DNAI4: variants seen among roughly 807,000 people sequenced by gnomAD.
DNAI4 encodes the protein WD repeat domain 78.
Under a neutral mutation model 105.8 loss-of-function variants are expected in DNAI4, and 85 were observed. That is an observed-to-expected ratio of 0.80 (90% confidence interval 0.67 to 0.96). The LOEUF (loss-of-function observed/expected upper bound fraction) is 0.96. Among genes scored for constraint, DNAI4 ranks in the 40% least tolerant of loss-of-function variants. DNAI4 has a pLI of 0.00. For missense variants in DNAI4, 1,014 were observed against 1,005.6 expected (o/e 1.01, Z -0.11); for synonymous variants, 352 against 331.5 (o/e 1.06, Z -0.67).
chr1:66,910,967 C>T lies in DNAI4; in HGVS notation c.171-5592G>A, dbSNP rs116281992. Among the ~76,000 whole-genome samples, 1,014 of 152,294 alleles carry T rather than the reference C, an allele frequency of 6.7e-3. 9 individuals carry two copies. Among genetic ancestry groups the T allele is most frequent in the African/African-American group, 0.023 (951 of 41,558 alleles). On this transcript the variant is annotated intron_variant, in intron 1 of 16. Transcript: ENST00000371026. ...CACACACCAACTAAACAATCAGTTC[C>T]GCAGTGGATACCATCTGGTTGTCCT... is the stretch of plus-strand genomic sequence containing the variant.
At chr1:66,917,029 TCCTGA>T (rs966663879) in intron 1 of DNAI4, among the ~76,000 whole-genome samples, 2 of 152,220 alleles carry the variant, frequency 1.3e-5, no homozygotes, top group Non-Finnish European at 2.9e-5. Flanking sequence ...AATTGTCTTT[TCCTGA>T]CCTAATTAAT....
chr1:66,893,053 A>AAGAAAGAAAGAAAGAG (rs1167732856), intron 3 of DNAI4, among the ~76,000 whole-genome samples, 176 bp downstream of exon 3: 2 of 66,560 alleles, frequency 3.0e-5, no homozygotes, highest in Admixed American at 1.6e-4. Flanking sequence ...GAAAGAAAGA[A>AAGAAAGAAAGAAAGAG]AGAGAGAGAG....
intron 4 of DNAI4, among the ~76,000 whole-genome samples, chr1:66,880,676 G>A (rs1647051091): frequency 6.6e-6 from 1 of 152,162 alleles, no homozygotes; most frequent in Non-Finnish European, 1.5e-5. Context: ...GAGCATAAAA[G>A]ATTGGAAAAT....
intron 2 of DNAI4, among the ~76,000 whole-genome samples, chr1:66,893,720 T>C (rs576310829): frequency 3.3e-5 from 5 of 152,344 alleles, no homozygotes; most frequent in Admixed American, 2.0e-4. Context: ...ATGTAAATTG[T>C]ATGTACACAT....
chr1:66,909,870 GA>G lies in DNAI4; in HGVS notation c.171-4496del, dbSNP rs200565181. Among the ~76,000 whole-genome samples the G allele has an allele frequency of 4.5e-3, 691 of 151,914 alleles. 6 individuals are homozygous for G. Among genetic ancestry groups the G allele is most frequent in the African/African-American group, 0.016 (662 of 41,420 alleles). ...ACTTTACTCTTCCAGTTGCTTGGGTGAAAAAAAATTTCAAAATACATCTGGA... is the reference window on the plus strand; with the variant it reads ...ACTTTACTCTTCCAGTTGCTTGGGTGAAAAAAATTTCAAAATACATCTGGA... On this transcript the variant is annotated intron_variant, in intron 1 of 16. Coordinates refer to ENST00000371026, the MANE Select transcript of DNAI4 (RefSeq NM_024763.5).
At chr1:66,914,090 GC>G (rs972884894) in intron 1 of DNAI4, among the ~76,000 whole-genome samples, 3 of 151,268 alleles carry the variant, frequency 2.0e-5, no homozygotes, top group Non-Finnish European at 4.4e-5. Context: ...CCAGGCCACA[GC>G]TCTGTTCCTC....
chr1:66,837,532 T>C, intron 10 of DNAI4, 178 bp downstream of exon 10: 1 of 712,814 alleles, frequency 1.4e-6, no homozygotes, highest in Non-Finnish European at 2.2e-6. Flanking sequence ...AATAAATGAA[T>C]TATCTTTACC....
intron 4 of DNAI4, among the ~76,000 whole-genome samples, chr1:66,881,019 C>A (rs894743187): frequency 6.6e-5 from 10 of 152,192 alleles, no homozygotes; most frequent in Non-Finnish European, 7.3e-5. Flanking sequence ...GTGGAAGCCC[C>A]AAGCCTTGGC....
chr1:66,894,711 T>C (rs1648164504), intron 2 of DNAI4, among the ~76,000 whole-genome samples: 1 of 152,188 alleles, frequency 6.6e-6, no homozygotes, highest in Non-Finnish European at 1.5e-5. Flanking sequence ...GAAAATCCTG[T>C]CCTTTCCCCA....
intron 1 of DNAI4, among the ~76,000 whole-genome samples, chr1:66,911,011 T>C (rs1189820448): frequency 6.6e-6 from 1 of 152,192 alleles, no homozygotes; most frequent in Non-Finnish European, 1.5e-5. Context: ...ATTCCAGCAC[T>C]ATCTACCTGA....
rs754566779 is a variant in DNAI4 at position 66,874,780 on chromosome 1, C to T, written c.800+1G>A. 13 of 1,604,320 alleles carry T rather than the reference C, an allele frequency of 8.1e-6. No individual in the cohort carries two copies. Among genetic ancestry groups the T allele is most frequent in the Admixed American group, 3.5e-5 (2 of 57,560 alleles). ...AATGTAGACAACTGAACCATACATA[C>T]GTTACTTTCTCAGCTTCTTCAGATT... On this transcript the variant is annotated splice_donor_variant, in intron 5 of 16. Coordinates refer to ENST00000371026, the MANE Select transcript of DNAI4 (RefSeq NM_024763.5). LOFTEE classifies it high-confidence loss of function.
intron 1 of DNAI4, among the ~76,000 whole-genome samples, chr1:66,918,735 G>A (rs1005161439): frequency 5.3e-5 from 8 of 152,148 alleles, no homozygotes; most frequent in African/African-American, 1.9e-4. Flanking sequence ...AGCCATGAGA[G>A]ATCAGATAAA....
intron 2 of DNAI4, among the ~76,000 whole-genome samples, chr1:66,903,115 G>C (rs1193847037): frequency 1.3e-5 from 2 of 152,164 alleles, no homozygotes; most frequent in African/African-American, 4.8e-5. Context: ...TATTGAATCT[G>C]TAAGTCACTT....
intron 6 of DNAI4, among the ~76,000 whole-genome samples, chr1:66,869,768 G>T (rs1646802952): frequency 6.6e-6 from 1 of 152,164 alleles, no homozygotes; most frequent in South Asian, 2.1e-4. Flanking sequence ...ACAATGTTGA[G>T]TCCTCCCCCT....
At position 66,905,182 on chromosome 1, in the gene DNAI4, A is replaced by C; in HGVS notation, c.345+19T>G. ...CACAGTGCCATTTTCAAATAAACTC[A>C]GAATTCTAAGAATATTACCTGTGTT... On this transcript the variant is annotated intron_variant, in intron 2 of 16. Coordinates refer to ENST00000371026, the MANE Select transcript of DNAI4 (RefSeq NM_024763.5). The C allele has an allele frequency of 1.4e-6, 2 of 1,461,100 alleles. No homozygotes were observed. Among genetic ancestry groups the C allele is most frequent in the South Asian group, 1.5e-5 (1 of 66,352 alleles). 90.5% of individuals were successfully genotyped at this position (1,461,100 alleles called of 1,614,324 possible).
In DNAI4 at chr1:66,878,435, T is replaced by C. The variant is rs569284886; in HGVS notation, c.644-3498A>G. Among the ~76,000 whole-genome samples, 148 of 152,282 alleles carry C rather than the reference T, an allele frequency of 9.7e-4. 1 individual carries two copies. Among genetic ancestry groups the C allele is most frequent in the Non-Finnish European group, 1.3e-3 (90 of 68,010 alleles). ...ATGCACCAACTCTAGAATCAGGCAT[T>C]TCTTCAAAGAGCCCTAGTTGCTTTT... On this transcript the variant is annotated intron_variant, in intron 4 of 16. Coordinates refer to ENST00000371026, the MANE Select transcript of DNAI4 (RefSeq NM_024763.5).
At chr1:66,843,725 G>A (rs1280316) in intron 8 of DNAI4, among the ~76,000 whole-genome samples, 151,217 of 152,314 alleles carry the variant, frequency 0.99, 75,071 homozygotes, top group Middle Eastern at 1. Flanking sequence ...TGTAAAGTCT[G>A]TGTCTAGGTT....
At chr1:66,893,045 A>G (rs4655508) in intron 3 of DNAI4, among the ~76,000 whole-genome samples, 184 bp downstream of exon 3, 84 of 124,744 alleles carry the variant, frequency 6.7e-4, no homozygotes, top group Middle Eastern at 4.2e-3. Context: ...GAAAGAAAGA[A>G]AGAAAGAAAG....
chr1:66,885,720 A>T (rs1409327353), intron 4 of DNAI4, among the ~76,000 whole-genome samples: 7 of 152,158 alleles, frequency 4.6e-5, no homozygotes. Context: ...AAAAGAAAAC[A>T]ATAAAAAATA....
Sources: gnomAD v4.1 joint callset for allele counts (sites outside exome capture counted in the v4.1 genomes callset) on GRCh38, gnomAD v4.1.1 for gene constraint, MANE v1.5 for transcripts, NCBI Gene and HGNC (gene_info 2026-07-23, HGNC 2026-07-21) for gene names.